ZNF446: variants seen among roughly 807,000 people sequenced by gnomAD.
ZNF446 encodes zinc finger protein with KRAB and SCAN domains 20.
ZNF446 carries 42 observed loss-of-function variants against 34.0 expected under a neutral mutation model. The observed-to-expected ratio is 1.23, with a 90% CI of 0.96 to 1.60. The LOEUF is 1.60. Among genes scored for constraint, ZNF446 ranks in the 40% most tolerant of loss-of-function variants. The pLI is 0.00. For missense variants in ZNF446, 650 were observed against 600.2 expected, an observed-to-expected ratio of 1.08 and a Z score of -0.87; for synonymous variants, 315 against 251.0, an observed-to-expected ratio of 1.25 and a Z score of -2.41.
chr19:58,486,021 G>A (rs2053166777), downstream of ZNF446, among the ~76,000 whole-genome samples: 2 of 150,862 alleles, frequency 1.3e-5, no homozygotes, highest in South Asian at 4.2e-4. Context: ...GGCACAAGCA[G>A]TCCTCTCACC....
At position 58,480,264 on chromosome 19, in the gene ZNF446, T is replaced by C. The variant is rs551383550; in HGVS notation, c.891T>C (p.Ala297=). 1 of 1,577,978 alleles carries C rather than the reference T, an allele frequency of 6.3e-7. No individual in the cohort carries two copies. The highest frequency in any genetic ancestry group is 1.1e-5 in the South Asian group (1 of 87,538). ...GPAAWEGLSG[A]ATPAPTVRPG... Reference sequence around the variant, plus strand: ...CAGCCTGGGAGGGCTTGTCTGGGGCTGCCACTCCTGCCCCCACTGTGCGCC... The same window carrying C: ...CAGCCTGGGAGGGCTTGTCTGGGGCCGCCACTCCTGCCCCCACTGTGCGCC... Residue 297 remains alanine (A), a synonymous_variant, in exon 7 of 7, where the codon GCT becomes GCC. Coordinates refer to ENST00000594369, the MANE Select transcript of ZNF446 (RefSeq NM_017908.4). This position sits in a 1 kb window ranked among gnomAD's most constrained non-coding sequence, Gnocchi z 7.2.
rs2053127091 is a variant in ZNF446 at position 58,480,302 on chromosome 19, C to T, written c.929C>T (p.Pro310Leu). 6.3e-7 allele frequency: 1 copy of T among 1,579,930 alleles called. No individual in the cohort carries two copies. The highest frequency in any genetic ancestry group is 1.3e-5 in the African/African-American group (1 of 74,340). Residue 310 changes from proline to leucine, a missense_variant, in exon 7 of 7, where the codon CCA (proline) becomes CTA (leucine). Physicochemically the swap from Pro to Leu is moderately conservative, Grantham distance 98 (BLOSUM62 -3). Coordinates refer to ENST00000594369, the MANE Select transcript of ZNF446 (RefSeq NM_017908.4). The surrounding 1 kb of genome is among the most constrained non-coding windows in gnomAD (Gnocchi z 7.2). ...PAPTVRPGTPPVPTQPTPAET... is the reference protein window; with the variant it reads ...PAPTVRPGTPLVPTQPTPAET... The stretch of plus-strand genomic sequence containing the variant: ...CCCACTGTGCGCCCAGGGACACCGC[C>T]AGTGCCCACTCAGCCCACACCTGCA...
At position 58,480,003 on chromosome 19, in the gene ZNF446, C is replaced by A; in HGVS notation, c.786C>A (p.Cys262Ter). Reference sequence around the variant, plus strand: ...TGCTGCTCACGGGGACAGGCGTCTGCAGAAGCCTGCGCTCGGGTGAGTGCC... The same window carrying A: ...TGCTGCTCACGGGGACAGGCGTCTGAAGAAGCCTGCGCTCGGGTGAGTGCC... The part of the protein sequence containing the change: ...LGMLLTGTGV[C>*]RSLRSGNESE... The change falls in exon 6 of 7, where the codon TGC becomes TGA. Residue 262 changes from cysteine (C) to a stop codon, truncating the protein, a stop_gained. Transcript: ENST00000594369. LOFTEE classifies it low-confidence loss of function (END_TRUNC). The surrounding 1 kb of genome is among the most constrained non-coding windows in gnomAD (Gnocchi z 7.2). 1 of 1,585,982 alleles carries A rather than the reference C, an allele frequency of 6.3e-7. No homozygotes were observed. The highest frequency in any genetic ancestry group is 8.6e-7 in the Non-Finnish European group (1 of 1,169,324).
chr19:58,480,549 C>T lies in ZNF446; in HGVS notation c.1176C>T (p.Pro392=). Residue 392 remains proline, a synonymous_variant, in exon 7 of 7, where the codon CCC becomes CCT. Transcript: ENST00000594369. The surrounding 1 kb of genome is among the most constrained non-coding windows in gnomAD (Gnocchi z 7.2). ...PHHPRRSLTG[P]RSYPCEECGC... ...ACCCCCGACGCTCACTCACAGGCCC[C>T]CGGAGTTACCCGTGTGAGGAGTGCG... The T allele has an allele frequency of 1.2e-6, 2 of 1,612,962 alleles. No homozygotes were observed. Among genetic ancestry groups the T allele is most frequent in the Non-Finnish European group, 1.7e-6 (2 of 1,179,928 alleles).
rs926036155 is a variant in ZNF446 at position 58,480,929 on chromosome 19, T to G, written c.*203T>G. On this transcript the variant is annotated 3_prime_UTR_variant, in exon 7 of 7. Transcript: ENST00000594369. This position sits in a 1 kb window ranked among gnomAD's most constrained non-coding sequence, Gnocchi z 7.2. ...GAGCTGCTCTCTCTCTTCTTGCCCC[T>G]GCCTCCTAGAGGGAGGTCTGGGTTC... is the stretch of plus-strand genomic sequence containing the variant. 3.0e-6 allele frequency: 2 copies of G among 660,864 alleles called. No homozygotes were observed. Among genetic ancestry groups the G allele is most frequent in the South Asian group, 4.1e-5 (2 of 48,948 alleles). The allele number at this position is 660,864 out of a possible 1,614,324, so 40.9% of individuals were successfully genotyped here.
At chr19:58,482,457 G>A (rs2053146901), downstream of ZNF446, among the ~76,000 whole-genome samples, 1 of 152,076 alleles carries the variant, frequency 6.6e-6, no homozygotes, top group African/African-American at 2.4e-5. Flanking sequence ...CTGAAAACAA[G>A]GGGCATTTTC....
At chr19:58,489,374 C>T in the ZNF446 span, among the ~76,000 whole-genome samples, 3 of 152,260 alleles carry the variant, frequency 2.0e-5, no homozygotes, top group South Asian at 2.1e-4. Context: ...ACTGACTCCG[C>T]GCAAGACGAC....
In ZNF446 at chr19:58,477,809, T is replaced by G. The variant is rs1187689030; in HGVS notation, c.515T>G (p.Val172Gly). The change falls in exon 3 of 7, where the codon GTC becomes GGC. Residue 172 changes from valine to glycine, a missense_variant. Val to Gly is a moderately radical substitution (Grantham distance 109, BLOSUM62 -3). Coordinates refer to ENST00000594369, the MANE Select transcript of ZNF446 (RefSeq NM_017908.4). The stretch of plus-strand genomic sequence containing the variant: ...TGCAGTGTGAAGGAGGAGCCCAATG[T>G]CGATGGACAGGAAGTGGGTGAGGTT... ...LSCSVKEEPNVDGQEVAPSSP... is the reference protein window; with the variant it reads ...LSCSVKEEPNGDGQEVAPSSP... The G allele has an allele frequency of 2.5e-6, 4 of 1,568,846 alleles. No homozygotes were observed. The highest frequency in any genetic ancestry group is 3.4e-6 in the Non-Finnish European group (4 of 1,159,854).
downstream of ZNF446, among the ~76,000 whole-genome samples, chr19:58,482,252 C>A (rs1316784599): frequency 6.6e-6 from 1 of 151,958 alleles, no homozygotes; most frequent in Non-Finnish European, 1.5e-5. Flanking sequence ...TTGGTCACGT[C>A]TTCCTTAGGC....
intron 4 of ZNF446, among the ~76,000 whole-genome samples, chr19:58,479,254 C>T (rs926731739): frequency 6.6e-6 from 1 of 152,204 alleles, no homozygotes; most frequent in Non-Finnish European, 1.5e-5. Context: ...CTTCCTGCCC[C>T]TGGACTTGCC....
At position 58,480,434 on chromosome 19, in the gene ZNF446, A is replaced by C. The variant is rs936147390; in HGVS notation, c.1061A>C (p.His354Pro). 6.2e-7 allele frequency: 1 copy of C among 1,613,134 alleles called. No individual in the cohort carries two copies. Among genetic ancestry groups the C allele is most frequent in the East Asian group, 2.2e-5 (1 of 44,866 alleles). Residue 354 changes from histidine (H) to proline (P), a missense_variant, in exon 7 of 7, where the codon CAC (histidine) becomes CCC (proline). By Grantham distance (77) the His-to-Pro change is moderately conservative. Coordinates refer to ENST00000594369, the MANE Select transcript of ZNF446 (RefSeq NM_017908.4). The surrounding 1 kb of genome is among the most constrained non-coding windows in gnomAD (Gnocchi z 7.2). ...KSVFVIHHRTHTSGPGVQSPG... is the reference protein window; with the variant it reads ...KSVFVIHHRTPTSGPGVQSPG... The stretch of plus-strand genomic sequence containing the variant: ...GTGTTCGTCATCCACCACCGGACAC[A>C]CACGAGTGGGCCAGGTGTGCAGTCC...
chr19:58,481,454 G>A (rs930445533), downstream of ZNF446, among the ~76,000 whole-genome samples: 1 of 152,166 alleles, frequency 6.6e-6, no homozygotes, highest in Non-Finnish European at 1.5e-5. Flanking sequence ...CCCGGCTTGA[G>A]AGACACAAAG....
the ZNF446 span, among the ~76,000 whole-genome samples, chr19:58,487,794 G>A: frequency 6.6e-6 from 1 of 152,202 alleles, no homozygotes; most frequent in Non-Finnish European, 1.5e-5. Flanking sequence ...GGGCAACAGA[G>A]CAAGACTCTA....
chr19:58,479,866 C>T (rs1458175060), intron 5 of ZNF446, 64 bp from the exon 6 acceptor site: 2 of 1,412,246 alleles, frequency 1.4e-6, no homozygotes, highest in Non-Finnish European at 2.0e-6. Context: ...TGTCACCTAC[C>T]AGAACCGACC....
chr19:58,481,198 T>C lies in ZNF446; in HGVS notation c.*472T>C, dbSNP rs917931153. 1 of 161,906 alleles carries C rather than the reference T, an allele frequency of 6.2e-6. No individual in the cohort carries two copies. The highest frequency in any genetic ancestry group is 2.4e-5 in the African/African-American group (1 of 41,716). 10.0% of individuals were successfully genotyped at this position (161,906 alleles called of 1,614,324 possible). A position where few individuals can be genotyped will look rare whatever the true frequency, so the allele number is the denominator to read the frequency against. On this transcript the variant is annotated 3_prime_UTR_variant, in exon 7 of 7. Coordinates refer to ENST00000594369, the MANE Select transcript of ZNF446 (RefSeq NM_017908.4). ...CGTTTCTCCTGCTCCCTGTGTGTGT[T>C]AGAATTTTAACATAAATTCCACTTT...
rs750826604 is a variant in ZNF446 at position 58,477,575 on chromosome 19, C to T, written c.342+15C>T. 3.1e-6 allele frequency: 5 copies of T among 1,612,244 alleles called. No individual in the cohort carries two copies. Among genetic ancestry groups the T allele is most frequent in the South Asian group, 1.1e-5 (1 of 90,884 alleles). On this transcript the variant is annotated intron_variant, in intron 2 of 6. Transcript: ENST00000594369. ...TGTTGGGCTGGGTGAGTGTGGCTGGCATCAGCTTCTTGGAGGGATAGACCC... is the reference window on the plus strand; with the variant it reads ...TGTTGGGCTGGGTGAGTGTGGCTGGTATCAGCTTCTTGGAGGGATAGACCC...
downstream of ZNF446, among the ~76,000 whole-genome samples, chr19:58,484,087 T>A (rs1332206756): frequency 6.6e-6 from 1 of 152,018 alleles, no homozygotes; most frequent in Non-Finnish European, 1.5e-5. Context: ...AGCAAAAACT[T>A]ATTGTACAAT....
At chr19:58,482,947 T>C (rs1425814356), downstream of ZNF446, among the ~76,000 whole-genome samples, 1 of 152,186 alleles carries the variant, frequency 6.6e-6, no homozygotes, top group Non-Finnish European at 1.5e-5. Context: ...AAATAAACTT[T>C]TTCACATTTA....
At chr19:58,487,874 C>T in the ZNF446 span, among the ~76,000 whole-genome samples, 2 of 152,196 alleles carry the variant, frequency 1.3e-5, no homozygotes, top group Non-Finnish European at 1.5e-5. Flanking sequence ...TGGAGAAAGG[C>T]CATAAGGCAG....
Sources: allele counts gnomAD v4.1 joint callset (sites outside exome capture counted in the v4.1 genomes callset), GRCh38; gene constraint gnomAD v4.1.1; non-coding constraint Gnocchi (gnomAD v3.1); transcripts MANE v1.5; gene names NCBI Gene and HGNC (gene_info 2026-07-23, HGNC 2026-07-21).